Variants in DCDC2 observed in about 807,000 individuals in gnomAD.
DCDC2 encodes the protein doublecortin domain containing 2.
A neutral mutation model predicts 50.2 loss-of-function variants in DCDC2; 40 were observed. The observed-to-expected ratio is 0.80, with a 90% confidence interval of 0.62 to 1.04. The LOEUF (loss-of-function observed/expected upper bound fraction) is 1.04. Ranked by LOEUF, DCDC2 falls within the 50% of genes least tolerant of loss-of-function variation. DCDC2 has a pLI of 0.00. For missense variants in DCDC2, 570 were observed against 581.9 expected (o/e 0.98, Z 0.21); for synonymous variants, 234 against 210.6 (o/e 1.11, Z -0.96).
chr6:24,306,233 G>A (rs1456335982), intron 2 of DCDC2, among the ~76,000 whole-genome samples: 1 of 152,008 alleles, frequency 6.6e-6, no homozygotes, highest in Non-Finnish European at 1.5e-5. Context: ...CAATCAAATG[G>A]TAAGTTATCA....
Position 24,205,087 on chromosome 6 carries a change from T to C in DCDC2, c.938A>G (p.Lys313Arg). ...TIPNSDEGIF[K>R]AGAERSETRG... Reference sequence around the variant, plus strand: ...TGTTTCAGACCTCTCTGCTCCAGCTTTGAAAATGCCTTCATCTATTGAGAC... The same window carrying C: ...TGTTTCAGACCTCTCTGCTCCAGCTCTGAAAATGCCTTCATCTATTGAGAC... The change falls in exon 8 of 10, where the codon AAA (lysine) becomes AGA (arginine). Residue 313 changes from lysine to arginine, a missense_variant. Coordinates refer to ENST00000378454, the MANE Select transcript of DCDC2 (RefSeq NM_016356.5). 4 of 1,614,166 alleles carry C rather than the reference T, an allele frequency of 2.5e-6. No individual in the cohort carries two copies. The highest frequency in any genetic ancestry group is 3.4e-6 in the Non-Finnish European group (4 of 1,180,002).
rs533043294 is a variant in DCDC2, at chr6:24,264,700, CAGAAG to C, written c.922+13344_922+13348del. 8.6e-3 allele frequency among the ~76,000 whole-genome samples: 1,298 copies of C among 150,948 alleles called. 9 individuals are homozygous for C. The highest frequency in any genetic ancestry group is 0.015 in the African/African-American group (633 of 41,146). ...AAAATTGTCTTCACTAAAAGGAAGA[CAGAAG>C]AGAAGAGAAGATCCAAAACAACCAG... On this transcript the variant is annotated intron_variant, in intron 7 of 9. Coordinates refer to ENST00000378454, the MANE Select transcript of DCDC2 (RefSeq NM_016356.5).
At position 24,339,597 on chromosome 6, in the gene DCDC2, A is replaced by G. The variant is rs1760118521; in HGVS notation, c.348+13972T>C. On this transcript the variant is annotated intron_variant, in intron 2 of 9. Transcript: ENST00000378454. ...AAATAATAGCAGAGACCATAGATCAATTCATCTGCAGACTCCTCTTCTCCA... is the reference window on the plus strand; with the variant it reads ...AAATAATAGCAGAGACCATAGATCAGTTCATCTGCAGACTCCTCTTCTCCA... Among the ~76,000 whole-genome samples, 3 of 152,310 alleles carry G rather than the reference A, an allele frequency of 2.0e-5. No individual in the cohort carries two copies. In the South Asian group the frequency reaches 6.2e-4, roughly 32 times the overall value.
intron 7 of DCDC2, among the ~76,000 whole-genome samples, chr6:24,256,291 T>TA (rs1581614777): frequency 1.3e-5 from 2 of 151,652 alleles, no homozygotes; most frequent in Non-Finnish European, 1.5e-5. Flanking sequence ...TTTTTTTTTT[T>TA]ATCTGACTGT....
chr6:24,246,874 G>A (rs1048282562), intron 7 of DCDC2, among the ~76,000 whole-genome samples: 11 of 152,042 alleles, frequency 7.2e-5, no homozygotes, highest in Non-Finnish European at 1.6e-4. Flanking sequence ...ATCCACATAC[G>A]AGCTTCCTCT....
At chr6:24,182,020 G>A (rs368440362) in intron 8 of DCDC2, among the ~76,000 whole-genome samples, 11 of 152,210 alleles carry the variant, frequency 7.2e-5, no homozygotes, top group Admixed American at 4.6e-4. Context: ...TCACATATAC[G>A]GTCAAATGGT....
At chr6:24,323,421 A>T (rs893187182) in intron 2 of DCDC2, among the ~76,000 whole-genome samples, 2 of 152,182 alleles carry the variant, frequency 1.3e-5, no homozygotes, top group Non-Finnish European at 2.9e-5. Context: ...AAATTCTAGT[A>T]AGATCTGTAG....
chr6:24,256,195 G>A (rs1410833982), intron 7 of DCDC2, among the ~76,000 whole-genome samples: 1 of 151,308 alleles, frequency 6.6e-6, no homozygotes, highest in Admixed American at 6.6e-5. Context: ...TATGAAGATA[G>A]AAGTCAGAAT....
intron 2 of DCDC2, among the ~76,000 whole-genome samples, chr6:24,332,071 G>A (rs544034679): frequency 6.6e-6 from 1 of 152,238 alleles, no homozygotes; most frequent in South Asian, 2.1e-4. Flanking sequence ...ACATCTAAAG[G>A]CATGCGGTAG....
chr6:24,301,954 GGGTTTCAAC>G lies in DCDC2; in HGVS notation c.425+5_425+13del. ...AGCCAATTTTAACTTGAAGTATAAA[GGGTTTCAAC>G]TTACAAGATAGTGCACGGCTCCTGA... On this transcript the variant is annotated splice_donor_5th_base_variant and intron_variant, in intron 3 of 9. Transcript: ENST00000378454. 1 of 1,613,070 alleles carries G rather than the reference GGGTTTCAAC, an allele frequency of 6.2e-7. No individual in the cohort carries two copies.
chr6:24,314,123 A>G (rs1759619535), intron 2 of DCDC2, among the ~76,000 whole-genome samples: 1 of 152,362 alleles, frequency 6.6e-6, no homozygotes, highest in East Asian at 1.9e-4. Context: ...AAAATACTAA[A>G]GTGTTATTAA....
Position 24,357,473 on chromosome 6 carries a change from G to GCTT in DCDC2, c.275_277dup (p.Glu92dup). On this transcript the variant is annotated inframe_insertion, in exon 1 of 10. Coordinates refer to ENST00000378454, the MANE Select transcript of DCDC2 (RefSeq NM_016356.5). Reference sequence around the variant, plus strand: ...ACCGACTCACTTGAGTTTCTTGAAGGCTTCCTGGCCTCCAGCCACGTAATT... The same window carrying GCTT: ...ACCGACTCACTTGAGTTTCTTGAAGGCTTCTTCCTGGCCTCCAGCCACGTAATT... 6.2e-7 allele frequency: 1 copy of GCTT among 1,605,108 alleles called. No individual in the cohort carries two copies. The highest frequency in any genetic ancestry group is 8.5e-7 in the Non-Finnish European group (1 of 1,174,566).
chr6:24,382,481 T>C, the DCDC2 span, among the ~76,000 whole-genome samples: 13 of 152,218 alleles, frequency 8.5e-5, no homozygotes, highest in Non-Finnish European at 1.9e-4. Context: ...AAGTCTATGA[T>C]TTGGCTTGCT....
At chr6:24,291,630 C>T (rs896425513) in intron 4 of DCDC2, among the ~76,000 whole-genome samples, 3 of 150,400 alleles carry the variant, frequency 2.0e-5, no homozygotes, top group Admixed American at 6.6e-5. Flanking sequence ...GGACTACAGG[C>T]GCCCGCCACT....
intron 4 of DCDC2, among the ~76,000 whole-genome samples, chr6:24,291,517 G>A (rs1174755680): frequency 2.6e-5 from 3 of 113,538 alleles, no homozygotes; most frequent in African/African-American, 3.4e-5. Flanking sequence ...ACGGAGTCTC[G>A]CTCTGTCGCC....
chr6:24,333,648 G>A (rs1202077435), intron 2 of DCDC2, among the ~76,000 whole-genome samples: 1 of 152,142 alleles, frequency 6.6e-6, no homozygotes, highest in Admixed American at 6.6e-5. Context: ...CTAAGTTTAA[G>A]GCATTTATCT....
intron 1 of DCDC2, among the ~76,000 whole-genome samples, chr6:24,356,337 T>C (rs561457059): frequency 7.9e-4 from 120 of 152,352 alleles, no homozygotes; most frequent in African/African-American, 2.4e-3. Flanking sequence ...ATTCCATTTA[T>C]ATGATATGTC....
chr6:24,295,767 G>A (rs564424069), intron 4 of DCDC2, among the ~76,000 whole-genome samples: 9 of 151,908 alleles, frequency 5.9e-5, no homozygotes, highest in East Asian at 3.9e-4. Context: ...CTAACCAGGC[G>A]GGTAAAAGAT....
the DCDC2 span, among the ~76,000 whole-genome samples, chr6:24,372,018 G>C: frequency 6.6e-6 from 1 of 152,216 alleles, no homozygotes; most frequent in Non-Finnish European, 1.5e-5. Flanking sequence ...TACACTGTTG[G>C]TGGGACTATA....
Sources: allele counts gnomAD v4.1 joint callset (sites outside exome capture counted in the v4.1 genomes callset), GRCh38; gene constraint gnomAD v4.1.1; transcripts MANE v1.5; gene names NCBI Gene and HGNC (gene_info 2026-07-23, HGNC 2026-07-21).